Variants in RAI14 observed in about 807,000 individuals in gnomAD.
RAI14 encodes retinoic acid induced 14, also known as ankycorbin.
A neutral mutation model predicts 115.4 loss-of-function variants in RAI14; 45 were observed. That is an observed-to-expected ratio of 0.39 (90% CI 0.31 to 0.50). The LOEUF (loss-of-function observed/expected upper bound fraction) is 0.50, where lower values mean the gene tolerates loss of function less well. Ranked by LOEUF, RAI14 falls within the 20% of genes least tolerant of loss-of-function variation. RAI14 has a pLI of 0.85. For synonymous variants in RAI14, 371 were observed against 415.4 expected (o/e 0.89, Z 1.30); for missense variants, 939 against 1,131.2 (o/e 0.83, Z 2.44).
chr5:34,688,220 TC>T, intron 2 of RAI14: 1 of 1,551,450 alleles, frequency 6.4e-7, no homozygotes, highest in Non-Finnish European at 8.7e-7. Context: ...CCTACATATC[TC>T]CCGTGGCTTT....
intron 3 of RAI14, among the ~76,000 whole-genome samples, chr5:34,774,437 A>G (rs2150140247): frequency 6.6e-6 from 1 of 152,288 alleles, no homozygotes; most frequent in African/African-American, 2.4e-5. Context: ...CAAAATCAAC[A>G]TAAAAAATCA....
In RAI14 at chr5:34,796,740, G is replaced by T. The variant is rs148595435; in HGVS notation, c.256+713G>T. On this transcript the variant is annotated intron_variant, in intron 4 of 17. Coordinates refer to ENST00000265109, the MANE Select transcript of RAI14 (RefSeq NM_015577.3). ...AACTTCATCTGGACCAGCTGCCCAC[G>T]ATTCTCACCCCTTGCTGTACTTCAG... Among the ~76,000 whole-genome samples, 233 of 152,192 alleles carry T rather than the reference G, an allele frequency of 1.5e-3. 2 individuals carry two copies. The highest frequency in any genetic ancestry group is 5.3e-3 in the African/African-American group (222 of 41,528).
chr5:34,659,109 A>C (rs768132353), intron 1 of RAI14: 2 of 152,218 alleles, frequency 1.3e-5, no homozygotes, highest in African/African-American at 4.8e-5. Flanking sequence ...AAATGGCATA[A>C]TTCTACCTAT....
At chr5:34,809,130 T>C (rs1442664794) in intron 7 of RAI14, among the ~76,000 whole-genome samples, 1 of 152,214 alleles carries the variant, frequency 6.6e-6, no homozygotes, top group Non-Finnish European at 1.5e-5. Context: ...TATGTATTAC[T>C]CTTAACCCTT....
chr5:34,812,300 G>C, intron 10 of RAI14, 92 bp downstream of exon 10: 1 of 1,102,668 alleles, frequency 9.1e-7, no homozygotes, highest in African/African-American at 1.6e-5. Flanking sequence ...CACTAGTAAA[G>C]TAATAAAGAC....
At chr5:34,829,959 G>A (rs937532329) in intron 17 of RAI14, 162 bp downstream of exon 17, 7 of 594,800 alleles carry the variant, frequency 1.2e-5, no homozygotes, top group South Asian at 4.9e-5. Context: ...TGGATTCTGT[G>A]TCAGGAGCCT....
intron 3 of RAI14, among the ~76,000 whole-genome samples, chr5:34,760,752 A>T (rs2150102540): frequency 6.6e-6 from 1 of 152,322 alleles, no homozygotes; most frequent in East Asian, 1.9e-4. Context: ...ATAACATAAA[A>T]TTTACCATTT....
intron 2 of RAI14, among the ~76,000 whole-genome samples, chr5:34,731,201 C>A (rs1169680698): frequency 6.6e-6 from 1 of 151,882 alleles, no homozygotes; most frequent in African/African-American, 2.4e-5. Flanking sequence ...TTTTTATCCC[C>A]CTTCTTACAG....
At chr5:34,659,590 C>T (rs1742538591) in intron 1 of RAI14, among the ~76,000 whole-genome samples, 1 of 152,188 alleles carries the variant, frequency 6.6e-6, no homozygotes, top group African/African-American at 2.4e-5. Context: ...TGCTGAGTGA[C>T]ACTCTATTTC....
rs10056835 is a variant in RAI14 at position 34,758,196 on chromosome 5, C to A, written c.167+598C>A. 2.7e-3 allele frequency among the ~76,000 whole-genome samples: 404 copies of A among 152,202 alleles called. 1 individual carries two copies. Among genetic ancestry groups the A allele is most frequent in the African/African-American group, 9.3e-3 (384 of 41,512 alleles). On this transcript the variant is annotated intron_variant, in intron 3 of 17. Coordinates refer to ENST00000265109, the MANE Select transcript of RAI14 (RefSeq NM_015577.3). ...CATCTCACAGGAACTCTATCACTTA[C>A]GAGTTGTGTAATCTCTGAACCTCAG...
Position 34,812,166 on chromosome 5 carries a change from T to G in RAI14, c.737-14T>G. 6.4e-7 allele frequency: 1 copy of G among 1,573,384 alleles called. No homozygotes were observed. On this transcript the variant is annotated splice_polypyrimidine_tract_variant and intron_variant, in intron 9 of 17. Transcript: ENST00000265109. Reference sequence around the variant, plus strand: ...TGCTTCTTATAGTTCTTTTTTTCACTTTTTCCTCTATAGATTTAAAGACCC... The same window carrying G: ...TGCTTCTTATAGTTCTTTTTTTCACGTTTTCCTCTATAGATTTAAAGACCC...
intron 1 of RAI14, among the ~76,000 whole-genome samples, chr5:34,682,840 C>T (rs1288254523): frequency 6.6e-6 from 1 of 152,186 alleles, no homozygotes; most frequent in East Asian, 1.9e-4. Context: ...GCTAATTCAG[C>T]TTTGCTGTAT....
intron 2 of RAI14, among the ~76,000 whole-genome samples, chr5:34,724,675 A>T (rs1469444873): frequency 3.3e-5 from 5 of 152,278 alleles, no homozygotes; most frequent in Admixed American, 6.5e-5. Context: ...TGCTTCAAGG[A>T]TCAGGAGTTG....
chr5:34,775,090 T>C (rs1054192416), intron 3 of RAI14, among the ~76,000 whole-genome samples: 9 of 152,302 alleles, frequency 5.9e-5, no homozygotes, highest in African/African-American at 1.9e-4. Context: ...ACTAGACCCC[T>C]ATCTCTTGCC....
intron 2 of RAI14, among the ~76,000 whole-genome samples, chr5:34,689,594 C>T (rs1035707653): frequency 3.9e-4 from 60 of 152,028 alleles, no homozygotes; most frequent in African/African-American, 1.3e-3. Context: ...GAATGTTGGC[C>T]GGGTGTGGTG....
At chr5:34,822,908 C>T (rs1283505912) in intron 14 of RAI14, 48 bp from the exon 15 acceptor site, 2 of 1,470,836 alleles carry the variant, frequency 1.4e-6, no homozygotes, top group Non-Finnish European at 1.9e-6. Flanking sequence ...AGGATGGTCT[C>T]AATCTCCTGA....
At chr5:34,769,957 C>T (rs577055654) in intron 3 of RAI14, among the ~76,000 whole-genome samples, 1 of 152,224 alleles carries the variant, frequency 6.6e-6, no homozygotes, top group African/African-American at 2.4e-5. Context: ...TTAAACTCCT[C>T]ACCTCAAGTG....
chr5:34,687,079 C>A, intron 2 of RAI14, 124 bp downstream of exon 2: 1 of 995,666 alleles, frequency 1.0e-6, no homozygotes, highest in Non-Finnish European at 1.5e-6. Flanking sequence ...GTGCTCTTGG[C>A]CCCAGCTCAG....
chr5:34,729,948 T>C (rs141225108), intron 2 of RAI14, among the ~76,000 whole-genome samples: 1 of 152,294 alleles, frequency 6.6e-6, no homozygotes, highest in East Asian at 1.9e-4. Context: ...TTGTGTTCAT[T>C]TTTTTAAAAA....
Sources: allele counts gnomAD v4.1 joint callset (sites outside exome capture counted in the v4.1 genomes callset), GRCh38; gene constraint gnomAD v4.1.1; transcripts MANE v1.5; gene names NCBI Gene and HGNC (gene_info 2026-07-23, HGNC 2026-07-21).